Variants in GALNT13 observed in about 807,000 individuals in gnomAD.
The protein encoded by GALNT13 is UDP-GalNAc:polypeptide N-acetylgalactosaminyltransferase 13.
In GALNT13, 28 loss-of-function variants were observed where a neutral mutation model predicts 64.2. The observed-to-expected ratio is 0.44, with a 90% CI of 0.32 to 0.60. The LOEUF (loss-of-function observed/expected upper bound fraction) is 0.60, where lower values mean the gene tolerates loss of function less well. Ranked by LOEUF, GALNT13 falls within the 20% of genes least tolerant of loss-of-function variation. GALNT13 has a pLI of 0.05. For synonymous variants in GALNT13, 214 were observed against 224.6 expected, an observed-to-expected ratio of 0.95 and a Z score of 0.42; for missense variants, 577 against 669.8, an observed-to-expected ratio of 0.86 and a Z score of 1.53.
At chr2:153,472,263 T>C in the GALNT13 span, among the ~76,000 whole-genome samples, 1 of 151,406 alleles carries the variant, frequency 6.6e-6, no homozygotes, top group South Asian at 2.1e-4. Context: ...AGCAAATATT[T>C]AAAAAACTAA....
At chr2:154,434,788 A>C (rs562090856) in intron 11 of GALNT13, among the ~76,000 whole-genome samples, 1 of 152,278 alleles carries the variant, frequency 6.6e-6, no homozygotes, top group Non-Finnish European at 1.5e-5. Flanking sequence ...AAATTACTAA[A>C]TCCATAGGAT....
the GALNT13 span, among the ~76,000 whole-genome samples, chr2:153,487,467 A>G: frequency 6.6e-5 from 10 of 152,376 alleles, no homozygotes; most frequent in East Asian, 1.7e-3. Context: ...TTTATCCAGG[A>G]AACATTTACA....
chr2:153,222,073 A>G, the GALNT13 span, among the ~76,000 whole-genome samples: 2 of 151,890 alleles, frequency 1.3e-5, no homozygotes, highest in African/African-American at 4.8e-5. Flanking sequence ...CCATTCAGCA[A>G]GTCCCAAGTT....
chr2:153,154,192 G>T, the GALNT13 span, among the ~76,000 whole-genome samples: 2 of 152,068 alleles, frequency 1.3e-5, no homozygotes, highest in Non-Finnish European at 2.9e-5. Context: ...CCTGGTGGGA[G>T]GTGACTGATG....
chr2:154,431,612 A>G (rs1226589047), intron 11 of GALNT13, among the ~76,000 whole-genome samples: 1 of 152,192 alleles, frequency 6.6e-6, no homozygotes, highest in Non-Finnish European at 1.5e-5. Context: ...CAAACCATAC[A>G]TGTACGTGAA....
chr2:153,460,062 C>T, the GALNT13 span, among the ~76,000 whole-genome samples: 1 of 151,880 alleles, frequency 6.6e-6, no homozygotes, highest in East Asian at 1.9e-4. Context: ...AGGTAAGATA[C>T]ATATAAGATA....
chr2:153,122,230 T>G, the GALNT13 span, among the ~76,000 whole-genome samples: 1 of 151,858 alleles, frequency 6.6e-6, no homozygotes, highest in East Asian at 1.9e-4. Flanking sequence ...TTGTACCAAG[T>G]GCAATGTCTG....
chr2:153,458,968 A>T, the GALNT13 span, among the ~76,000 whole-genome samples: 1 of 152,078 alleles, frequency 6.6e-6, no homozygotes, highest in Non-Finnish European at 1.5e-5. Context: ...CTAGGGTCAA[A>T]CTGGGCACTT....
Position 154,409,059 on chromosome 2 carries a change from T to G in GALNT13, c.1372T>G (p.Cys458Gly). 6.2e-7 allele frequency: 1 copy of G among 1,607,570 alleles called. No homozygotes were observed. Among genetic ancestry groups the G allele is most frequent in the East Asian group, 2.2e-5 (1 of 44,708 alleles). Residue 458 changes from cysteine to glycine, a missense_variant, in exon 11 of 13, where the codon TGT becomes GGT. By Grantham distance (159) the Cys-to-Gly change is radical. Around this residue, in one of 3 missense-constraint regions of GALNT13, gnomAD observed 232 missense variants for 270.6 expected, o/e 0.86. Coordinates refer to ENST00000392825, the MANE Select transcript of GALNT13 (RefSeq NM_052917.4). ...AAATGAAAAAGTGGGTATATTCAAC[T>G]GTCATGGTATGGGAGGAAATCAGGT... ...KENEKVGIFN[C>G]HGMGGNQVFS...
the GALNT13 span, among the ~76,000 whole-genome samples, chr2:153,651,887 A>T: frequency 6.6e-6 from 1 of 152,158 alleles, no homozygotes; most frequent in Non-Finnish European, 1.5e-5. Context: ...TGTTATTTTT[A>T]CATATAATTC....
chr2:153,458,417 T>C, the GALNT13 span, among the ~76,000 whole-genome samples: 2 of 152,296 alleles, frequency 1.3e-5, no homozygotes, highest in South Asian at 4.1e-4. Flanking sequence ...ATTGGGTCTT[T>C]GCACACATCA....
chr2:154,008,176 A>G (rs1245515759), intron 3 of GALNT13, among the ~76,000 whole-genome samples: 1 of 152,294 alleles, frequency 6.6e-6, no homozygotes, highest in East Asian at 1.9e-4. Flanking sequence ...GGGAGTGGGC[A>G]TCCTTTTCTG....
chr2:153,933,296 A>G (rs1690663089), intron 2 of GALNT13, among the ~76,000 whole-genome samples: 1 of 152,158 alleles, frequency 6.6e-6, no homozygotes, highest in Non-Finnish European at 1.5e-5. Flanking sequence ...TCTGTGCCCC[A>G]GTGTTGGTTG....
At chr2:153,696,687 C>T in the GALNT13 span, among the ~76,000 whole-genome samples, 2 of 152,122 alleles carry the variant, frequency 1.3e-5, no homozygotes, top group Admixed American at 6.5e-5. Context: ...AATCAAAATA[C>T]GTTTGGACTG....
At chr2:153,213,998 C>T in the GALNT13 span, among the ~76,000 whole-genome samples, 2 of 152,082 alleles carry the variant, frequency 1.3e-5, no homozygotes, top group Non-Finnish European at 2.9e-5. Flanking sequence ...CGATGTTAGA[C>T]AAAAGGAATG....
At chr2:154,020,362 T>A (rs1210671083) in intron 3 of GALNT13, among the ~76,000 whole-genome samples, 2 of 152,298 alleles carry the variant, frequency 1.3e-5, no homozygotes, top group Non-Finnish European at 2.9e-5. Context: ...CCAGCACCTG[T>A]TGTTTCCTGA....
chr2:153,881,785 G>A, intron 1 of GALNT13, among the ~76,000 whole-genome samples: 1 of 152,178 alleles, frequency 6.6e-6, no homozygotes, highest in African/African-American at 2.4e-5. Context: ...AAACAGAACA[G>A]GATATAAGGC....
At chr2:153,724,165 T>C in the GALNT13 span, among the ~76,000 whole-genome samples, 1 of 142,030 alleles carries the variant, frequency 7.0e-6, no homozygotes, top group Non-Finnish European at 1.5e-5. Flanking sequence ...CCTACAACTA[T>C]CTGATCTTTG....
chr2:154,432,476 C>G (rs1186637368), intron 11 of GALNT13, among the ~76,000 whole-genome samples: 2 of 152,154 alleles, frequency 1.3e-5, no homozygotes, highest in African/African-American at 2.4e-5. Flanking sequence ...GCTGTTGTAT[C>G]AAATTACTGC....
Sources: gnomAD v4.1 joint callset for allele counts (sites outside exome capture counted in the v4.1 genomes callset) on GRCh38, gnomAD v4.1.1 for gene constraint, gnomAD v4.1.1 regional missense constraint, MANE v1.5 for transcripts, NCBI Gene and HGNC (gene_info 2026-07-23, HGNC 2026-07-21) for gene names.